KDM2B: variants seen among roughly 807,000 people sequenced by gnomAD.
KDM2B encodes lysine demethylase 2B.
In KDM2B, 26 loss-of-function variants were observed where a neutral mutation model predicts 150.0. The ratio of observed to expected loss-of-function variants is 0.17; its 90% CI spans 0.13 to 0.24. The LOEUF is 0.24. Ranked by LOEUF, KDM2B falls within the 10% of genes least tolerant of loss-of-function variation. The probability of loss-of-function intolerance (pLI) is 1.00; values close to 1 mark genes in which losing one functional copy is unlikely to be tolerated. For synonymous variants in KDM2B, 734 were observed against 729.5 expected, an observed-to-expected ratio of 1.01 and a Z score of -0.10; for missense variants, 1,265 against 1,816.9, an observed-to-expected ratio of 0.70 and a Z score of 5.52.
chr12:121,579,251 C>G (rs1241748640), intron 1 of KDM2B, among the ~76,000 whole-genome samples: 1 of 152,214 alleles, frequency 6.6e-6, no homozygotes, highest in Non-Finnish European at 1.5e-5. Flanking sequence ...GCTTCGCCCA[C>G]TCGGCCGGGA....
At chr12:121,511,442 A>G (rs1350593646) in intron 10 of KDM2B, among the ~76,000 whole-genome samples, 1 of 152,018 alleles carries the variant, frequency 6.6e-6, no homozygotes, top group Non-Finnish European at 1.5e-5. Flanking sequence ...ATGTGCCACC[A>G]CACTGAACTA....
intron 12 of KDM2B, among the ~76,000 whole-genome samples, chr12:121,465,213 T>C (rs1452731403): frequency 6.6e-6 from 1 of 151,616 alleles, no homozygotes; most frequent in African/African-American, 2.4e-5. Flanking sequence ...GAATACAGGT[T>C]TGTTTGTTTT....
chr12:121,535,410 G>C (rs922001348), intron 6 of KDM2B, among the ~76,000 whole-genome samples: 2 of 152,102 alleles, frequency 1.3e-5, no homozygotes, highest in Non-Finnish European at 2.9e-5. Context: ...AGGGGCTGGG[G>C]GGCAGGACAA....
At chr12:121,447,710 C>A (rs998361528) in intron 13 of KDM2B, among the ~76,000 whole-genome samples, 6 of 151,958 alleles carry the variant, frequency 3.9e-5, no homozygotes, top group South Asian at 2.1e-4. Flanking sequence ...GTTGCCCAGT[C>A]TGGAGTGCAG....
chr12:121,558,039 C>T (rs1268884263), intron 4 of KDM2B, among the ~76,000 whole-genome samples: 3 of 152,176 alleles, frequency 2.0e-5, no homozygotes, highest in Non-Finnish European at 4.4e-5. Flanking sequence ...TGACCTCATA[C>T]CACTTCATCC....
intron 8 of KDM2B, 65 bp downstream of exon 8, chr12:121,532,741 G>A: frequency 6.4e-7 from 1 of 1,554,932 alleles, no homozygotes; most frequent in African/African-American, 1.4e-5. Context: ...CCCTCAGGGG[G>A]CCTAAAACCC....
In KDM2B at chr12:121,574,605, G is replaced by C; in HGVS notation, c.351-12C>G. 6.2e-7 allele frequency: 1 copy of C among 1,613,918 alleles called. No individual in the cohort carries two copies. Among genetic ancestry groups the C allele is most frequent in the Non-Finnish European group, 8.5e-7 (1 of 1,179,842 alleles). On this transcript the variant is annotated splice_polypyrimidine_tract_variant and intron_variant, in intron 3 of 22. Transcript: ENST00000377071. ...CAGGGTCAGGCATCCTGGGGAAAGA[G>C]GAGCACAGACCTTTGGTGAGAGGCC...
In KDM2B at chr12:121,468,439, G is replaced by C. The variant is rs782765121; in HGVS notation, c.1735-15095C>G. ...ACCAAAGCTAAACACAAGCTAAGGA[G>C]GACTTGGCATACATATCATCCACCT... is the stretch of plus-strand genomic sequence containing the variant. On this transcript the variant is annotated intron_variant, in intron 12 of 22. Coordinates refer to ENST00000377071, the MANE Select transcript of KDM2B (RefSeq NM_032590.5). This position sits in a 1 kb window ranked among gnomAD's most constrained non-coding sequence, Gnocchi z 4.0. The C allele has an allele frequency of 4.6e-5, 7 of 152,222 alleles. No homozygotes were observed. The highest frequency in any genetic ancestry group is 8.8e-5 in the Non-Finnish European group (6 of 68,064). 9.4% of individuals were successfully genotyped at this position (152,222 alleles called of 1,614,324 possible). A position where few individuals can be genotyped will look rare whatever the true frequency, so the allele number is the denominator to read the frequency against.
intron 12 of KDM2B, among the ~76,000 whole-genome samples, chr12:121,457,775 C>A (rs1420802668): frequency 1.4e-5 from 2 of 142,528 alleles, no homozygotes; most frequent in African/African-American, 2.6e-5. Flanking sequence ...CACACACACA[C>A]AAATATCTTG....
chr12:121,444,401 G>A, intron 15 of KDM2B, 49 bp downstream of exon 15: 1 of 1,609,946 alleles, frequency 6.2e-7, no homozygotes, highest in South Asian at 1.1e-5. Flanking sequence ...GCCAGGCCCA[G>A]GCCCGCCCCT....
intron 10 of KDM2B, among the ~76,000 whole-genome samples, chr12:121,512,835 C>T (rs555398202): frequency 6.6e-6 from 1 of 152,360 alleles, no homozygotes; most frequent in South Asian, 2.1e-4. Flanking sequence ...CCTCCTGCTG[C>T]CTCAAAGACA....
intron 12 of KDM2B, among the ~76,000 whole-genome samples, chr12:121,483,738 A>C (rs1379592084): frequency 2.0e-5 from 3 of 146,766 alleles, no homozygotes; most frequent in South Asian, 2.2e-4. Flanking sequence ...CACACACACA[A>C]ACACAAAATG....
chr12:121,559,811 G>A (rs1258399406), intron 4 of KDM2B, among the ~76,000 whole-genome samples: 2 of 151,658 alleles, frequency 1.3e-5, no homozygotes, highest in African/African-American at 4.8e-5. Context: ...GCTGAGGCAG[G>A]AGAACTGCTT....
chr12:121,444,858 G>C (rs3817547), intron 14 of KDM2B: 173,272 of 468,394 alleles, frequency 0.37, 33,549 homozygotes, highest in East Asian at 0.43. Flanking sequence ...GTAAAGCCAT[G>C]AGCTCAGCGC....
Position 121,520,836 on chromosome 12 carries a change from A to G in KDM2B, c.1047+149T>C, listed in dbSNP as rs187470953. On this transcript the variant is annotated intron_variant, in intron 9 of 22. Coordinates refer to ENST00000377071, the MANE Select transcript of KDM2B (RefSeq NM_032590.5). This position sits in a 1 kb window ranked among gnomAD's most constrained non-coding sequence, Gnocchi z 4.5. The stretch of plus-strand genomic sequence containing the variant: ...ATTCCCCTGCCCCCCCTCCCCCGCC[A>G]CAGAACCAGGACTGAAGCCAGCTTG... 1,448 of 190,582 alleles carry G rather than the reference A, an allele frequency of 7.6e-3. 26 individuals are homozygous for G. Among genetic ancestry groups the G allele is most frequent in the African/African-American group, 0.037 (1,348 of 36,802 alleles). The allele number at this position is 190,582 out of a possible 1,614,324, so 11.8% of individuals were successfully genotyped here.
chr12:121,482,032 C>T (rs1262668183), intron 12 of KDM2B, among the ~76,000 whole-genome samples: 13 of 152,128 alleles, frequency 8.5e-5, no homozygotes, highest in South Asian at 2.1e-4. Context: ...CCACCCGCCT[C>T]GGCCTCCCAA....
Position 121,494,624 on chromosome 12 carries a change from G to A in KDM2B, c.1689C>T (p.Ala563=), listed in dbSNP as rs1883717003. 1 of 1,613,586 alleles carries A rather than the reference G, an allele frequency of 6.2e-7. No individual in the cohort carries two copies. Among genetic ancestry groups the A allele is most frequent in the African/African-American group, 1.3e-5 (1 of 75,020 alleles). The change falls in exon 12 of 23, where the codon GCC becomes GCT. Residue 563 remains alanine (A), a synonymous_variant. Coordinates refer to ENST00000377071, the MANE Select transcript of KDM2B (RefSeq NM_032590.5). ...AAGTCACCACAGGGACCCCAGTGAT[G>A]GCCAGACTAGGGTCATCATCTGCGT... ...KEHADDDPSL[A]ITGVPVVTWP... is the part of the protein sequence containing the mutation.
At chr12:121,465,911 C>T (rs1418483206) in intron 12 of KDM2B, among the ~76,000 whole-genome samples, 1 of 152,174 alleles carries the variant, frequency 6.6e-6, no homozygotes, top group Non-Finnish European at 1.5e-5. Context: ...GGGCTACTGA[C>T]TTAATAAAAG....
intron 6 of KDM2B, among the ~76,000 whole-genome samples, chr12:121,541,941 A>G (rs1324662930): frequency 6.6e-6 from 1 of 152,228 alleles, no homozygotes; most frequent in Non-Finnish European, 1.5e-5. Context: ...GAACTAGGCA[A>G]CTGTGGAGGC....
Sources: allele counts gnomAD v4.1 joint callset (sites outside exome capture counted in the v4.1 genomes callset), GRCh38; gene constraint gnomAD v4.1.1; non-coding constraint Gnocchi (gnomAD v3.1); transcripts MANE v1.5; gene names NCBI Gene and HGNC (gene_info 2026-07-23, HGNC 2026-07-21).